ATL1: variants seen among roughly 807,000 people sequenced by gnomAD.
The protein encoded by ATL1 is atlastin GTPase 1, also known as atlastin-1.
A neutral mutation model predicts 75.5 loss-of-function variants in ATL1; 31 were observed. That is an observed-to-expected ratio of 0.41 (90% CI 0.31 to 0.55). The LOEUF (loss-of-function observed/expected upper bound fraction) is 0.55. ATL1 is among the 20% of genes least tolerant of loss of function. The pLI, the probability that ATL1 is intolerant of heterozygous loss-of-function variation, is 0.27. For synonymous variants in ATL1, 226 were observed against 233.3 expected, an observed-to-expected ratio of 0.97 and a Z score of 0.28; for missense variants, 405 against 662.6, an observed-to-expected ratio of 0.61 and a Z score of 4.27.
intron 1 of ATL1, among the ~76,000 whole-genome samples, chr14:50,544,888 G>A (rs1436484418): frequency 7.7e-6 from 1 of 130,180 alleles, no homozygotes; most frequent in African/African-American, 2.9e-5. Flanking sequence ...AATGAGCTAT[G>A]ATTGTACCAC....
At chr14:50,564,510 A>C (rs965896065) in intron 1 of ATL1, among the ~76,000 whole-genome samples, 1 of 151,702 alleles carries the variant, frequency 6.6e-6, no homozygotes, top group African/African-American at 2.4e-5. Flanking sequence ...TTAGCCGGGT[A>C]TGGTGGCATG....
At chr14:50,574,971 A>ATATATATATATATC (rs1234160143) in intron 1 of ATL1, among the ~76,000 whole-genome samples, 76 of 129,560 alleles carry the variant, frequency 5.9e-4, no homozygotes, top group African/African-American at 2.2e-3. Flanking sequence ...ATATATATAT[A>ATATATATATATATC]TATATTAGCT....
intron 9 of ATL1, 127 bp downstream of exon 9, chr14:50,620,853 T>A: frequency 8.5e-7 from 1 of 1,175,212 alleles, no homozygotes. Flanking sequence ...TAAAAAGGAT[T>A]TTAAAAATCC....
chr14:50,630,070 T>C, intron 13 of ATL1, 61 bp downstream of exon 13: 2 of 1,266,652 alleles, frequency 1.6e-6, no homozygotes, highest in Non-Finnish European at 2.3e-6. Context: ...TATTATTTTA[T>C]AAACTGACTA....
chr14:50,555,916 A>T (rs190579979), upstream of ATL1, among the ~76,000 whole-genome samples: 1 of 152,278 alleles, frequency 6.6e-6, no homozygotes, highest in African/African-American at 2.4e-5. Flanking sequence ...ACCATCAACT[A>T]TTGAGAAACT....
At chr14:50,574,935 GTGTATA>G (rs1278512247) in intron 1 of ATL1, among the ~76,000 whole-genome samples, 154 of 34,558 alleles carry the variant, frequency 4.5e-3, no homozygotes, top group Middle Eastern at 0.022. Context: ...GTGTGTGTGT[GTGTATA>G]TATATATATA....
At chr14:50,622,782 T>C (rs541115724) in intron 10 of ATL1, among the ~76,000 whole-genome samples, 3 of 152,236 alleles carry the variant, frequency 2.0e-5, no homozygotes, top group Non-Finnish European at 4.4e-5. Flanking sequence ...TTATCAGTGA[T>C]ACACTCTTCT....
intron 1 of ATL1, among the ~76,000 whole-genome samples, chr14:50,565,436 G>A (rs923654556): frequency 2.6e-5 from 4 of 151,132 alleles, no homozygotes; most frequent in Non-Finnish European, 5.9e-5. Flanking sequence ...AGTGAGCTGA[G>A]ATCGCACCAC....
At chr14:50,588,855 A>T (rs1206016261) in intron 2 of ATL1, among the ~76,000 whole-genome samples, 1 of 152,210 alleles carries the variant, frequency 6.6e-6, no homozygotes, top group Non-Finnish European at 1.5e-5. Context: ...AAATGTTATT[A>T]TGCTAATTAA....
chr14:50,601,948 G>A (rs918392477), intron 6 of ATL1, among the ~76,000 whole-genome samples: 1 of 152,138 alleles, frequency 6.6e-6, no homozygotes, highest in African/African-American at 2.4e-5. Context: ...TGTCACGTGC[G>A]ATAGATTTGT....
At chr14:50,562,900 T>C (rs1002488943) in intron 1 of ATL1, among the ~76,000 whole-genome samples, 5 of 152,208 alleles carry the variant, frequency 3.3e-5, no homozygotes, top group African/African-American at 1.2e-4. Context: ...CAGTATCTAA[T>C]AGAATGCCTA....
intron 6 of ATL1, among the ~76,000 whole-genome samples, chr14:50,599,826 A>T (rs1232347665): frequency 6.6e-6 from 1 of 152,110 alleles, no homozygotes; most frequent in Non-Finnish European, 1.5e-5. Flanking sequence ...AATATGATGA[A>T]GTAAAGTAGC....
At chr14:50,545,545 G>A (rs1369257833) in intron 1 of ATL1, among the ~76,000 whole-genome samples, 1 of 152,182 alleles carries the variant, frequency 6.6e-6, no homozygotes, top group Admixed American at 6.5e-5. Context: ...TGGGGAGTAA[G>A]CATGTAGTGC....
chr14:50,554,243 G>A (rs2038738615), intron 1 of ATL1, among the ~76,000 whole-genome samples: 1 of 152,048 alleles, frequency 6.6e-6, no homozygotes, highest in African/African-American at 2.4e-5. Flanking sequence ...TATATAACCC[G>A]ATTAAGCTTC....
chr14:50,609,306 T>C (rs1037808238), intron 6 of ATL1, among the ~76,000 whole-genome samples: 1 of 151,958 alleles, frequency 6.6e-6, no homozygotes, highest in Non-Finnish European at 1.5e-5. Flanking sequence ...GGAGAGAACA[T>C]CATATGTAAT....
At chr14:50,615,521 C>G (rs551295638) in intron 8 of ATL1, among the ~76,000 whole-genome samples, 7 of 152,268 alleles carry the variant, frequency 4.6e-5, no homozygotes, top group African/African-American at 1.7e-4. Context: ...GCAGTTAGTA[C>G]CATAAATACA....
chr14:50,574,220 G>A (rs1474558664), intron 1 of ATL1, among the ~76,000 whole-genome samples: 2 of 152,184 alleles, frequency 1.3e-5, no homozygotes, highest in East Asian at 3.8e-4. Context: ...AATTGGTGTA[G>A]TTCTGTGCCT....
Position 50,579,986 on chromosome 14 carries a change from T to G in ATL1, c.35-7845T>G, listed in dbSNP as rs138193644. Among the ~76,000 whole-genome samples, 358 of 152,336 alleles carry G rather than the reference T, an allele frequency of 2.4e-3. 5 individuals are homozygous for G. Among genetic ancestry groups the G allele is most frequent in the African/African-American group, 8.2e-3 (343 of 41,580 alleles). On this transcript the variant is annotated intron_variant, in intron 1 of 13. Coordinates refer to ENST00000358385, the MANE Select transcript of ATL1 (RefSeq NM_015915.5). ...TGTAAATATTTTTTCTCACTAAAAA[T>G]AATTAAGTTATAATCTACATACAGT...
At chr14:50,610,738 G>A (rs2039358225) in intron 6 of ATL1, among the ~76,000 whole-genome samples, 1 of 152,124 alleles carries the variant, frequency 6.6e-6, no homozygotes, top group South Asian at 2.1e-4. Context: ...TCTGTGCCAA[G>A]CACTGTACTA....
Sources: gnomAD v4.1 joint callset for allele counts (sites outside exome capture counted in the v4.1 genomes callset) on GRCh38, gnomAD v4.1.1 for gene constraint, MANE v1.5 for transcripts, NCBI Gene and HGNC (gene_info 2026-07-23, HGNC 2026-07-21) for gene names.